Variants in MLH3 observed in about 807,000 individuals in gnomAD.
MLH3 encodes the protein DNA mismatch repair protein Mlh3.
MLH3 carries 82 observed loss-of-function variants against 122.2 expected under a neutral mutation model. The ratio of observed to expected loss-of-function variants is 0.67; its 90% CI spans 0.56 to 0.81. MLH3 has a LOEUF of 0.81. Ranked by LOEUF, MLH3 falls within the 30% of genes least tolerant of loss-of-function variation. The pLI is 0.00. For missense variants in MLH3, 1,539 were observed against 1,714.5 expected, an observed-to-expected ratio of 0.90 and a Z score of 1.81; for synonymous variants, 524 against 599.5, an observed-to-expected ratio of 0.87 and a Z score of 1.84.
chr14:75,024,834 GT>G (rs1485754703), intron 9 of MLH3, among the ~76,000 whole-genome samples: 2 of 152,190 alleles, frequency 1.3e-5, no homozygotes, highest in Non-Finnish European at 2.9e-5. Flanking sequence ...TTCAGGAAAA[GT>G]TTTTCTTATA....
rs372763743 is a variant in MLH3, at chr14:75,049,412, G to A, written c.244C>T (p.Gln82Ter). The A allele has an allele frequency of 1.2e-6, 2 of 1,613,912 alleles. No individual in the cohort carries two copies. The highest frequency in any genetic ancestry group is 1.1e-5 in the South Asian group (1 of 91,086). ...TAAAACCTTGGATTCTCCAAGTCCT[G>A]TACCGAGTGGCATTTACTGGTGAAA... ...RYFTSKCHSV[Q>*]DLENPRFYGF... The change falls in exon 2 of 13, where the codon CAG (glutamine) becomes TAG (stop). Residue 82 changes from glutamine to a stop codon, truncating the protein, a stop_gained. Coordinates refer to ENST00000355774, the MANE Select transcript of MLH3 (RefSeq NM_001040108.2). LOFTEE classifies it high-confidence loss of function.
intron 9 of MLH3, among the ~76,000 whole-genome samples, chr14:75,029,630 G>A (rs1330972015): frequency 6.6e-6 from 1 of 151,826 alleles, no homozygotes; most frequent in African/African-American, 2.4e-5. Flanking sequence ...CCGCCTCCCA[G>A]GTTCAAGCCA....
chr14:75,028,388 T>C (rs1019336732), intron 9 of MLH3, among the ~76,000 whole-genome samples: 1 of 151,562 alleles, frequency 6.6e-6, no homozygotes, highest in African/African-American at 2.4e-5. Context: ...CAGTCAAAGA[T>C]CCAAGTATAA....
intron 9 of MLH3, among the ~76,000 whole-genome samples, chr14:75,027,734 G>C (rs1234974915): frequency 7.0e-6 from 1 of 142,760 alleles, no homozygotes; most frequent in Admixed American, 7.2e-5. Flanking sequence ...AAGAGGCAAT[G>C]GTGAACAAAG....
intron 6 of MLH3, among the ~76,000 whole-genome samples, chr14:75,036,148 A>G (rs959931117): frequency 1.3e-5 from 2 of 152,022 alleles, no homozygotes; most frequent in South Asian, 2.1e-4. Context: ...TTGCTGGTTC[A>G]TCCTCTTCTA....
intron 12 of MLH3, among the ~76,000 whole-genome samples, chr14:75,017,806 T>C (rs941474153): frequency 1.3e-5 from 2 of 152,258 alleles, no homozygotes; most frequent in South Asian, 4.1e-4. Flanking sequence ...GAAAACTCCA[T>C]GCAAGAAAAG....
In MLH3 at chr14:75,048,460, T is replaced by A; in HGVS notation, c.1196A>T (p.Asp399Val). The stretch of plus-strand genomic sequence containing the variant: ...CTGCAAATTAAACATCTCATAGGAA[T>A]CTAAAATATTATTACATGCTTCCTG... ...NFQEACNNIL[D>V]SYEMFNLQSK... is the part of the protein sequence containing the mutation. The change falls in exon 2 of 13, where the codon GAT becomes GTT. Residue 399 changes from aspartate (D) to valine (V), a missense_variant. Asp to Val is a radical substitution (Grantham distance 152). Coordinates refer to ENST00000355774, the MANE Select transcript of MLH3 (RefSeq NM_001040108.2). 6.2e-7 allele frequency: 1 copy of A among 1,612,586 alleles called. No homozygotes were observed. Among genetic ancestry groups the A allele is most frequent in the Non-Finnish European group, 8.5e-7 (1 of 1,179,642 alleles).
At chr14:75,022,758 C>T (rs1254508831) in intron 11 of MLH3, 56 bp downstream of exon 11, 3 of 1,495,924 alleles carry the variant, frequency 2.0e-6, no homozygotes, top group East Asian at 4.5e-5. Flanking sequence ...TCCCGGCAGC[C>T]CTGCCAGGGC....
chr14:75,039,415 C>T (rs1320369475), intron 5 of MLH3, among the ~76,000 whole-genome samples: 1 of 152,100 alleles, frequency 6.6e-6, no homozygotes, highest in African/African-American at 2.4e-5. Flanking sequence ...AAACACAAGG[C>T]AAAATAGAAA....
intron 7 of MLH3, among the ~76,000 whole-genome samples, chr14:75,032,632 A>T (rs949468987): frequency 6.6e-6 from 1 of 151,870 alleles, no homozygotes; most frequent in Non-Finnish European, 1.5e-5. Flanking sequence ...TGTTTTTACT[A>T]TATCTTTCCC....
At chr14:75,039,865 A>ATATG (rs1388162394) in intron 5 of MLH3, 46 bp downstream of exon 5, 8 of 344,492 alleles carry the variant, frequency 2.3e-5, no homozygotes, top group Non-Finnish European at 4.1e-5. Flanking sequence ...ATATATATAT[A>ATATG]TATATATATA....
At chr14:75,038,106 C>G (rs778004770) in intron 6 of MLH3, among the ~76,000 whole-genome samples, 5 of 152,164 alleles carry the variant, frequency 3.3e-5, no homozygotes, top group African/African-American at 4.8e-5. Flanking sequence ...TGCCATGTTG[C>G]TCAGGCTGGT....
In MLH3 at chr14:75,045,827, A is replaced by C. The variant is rs1892167752; in HGVS notation, c.3280+549T>G. 3.3e-5 allele frequency among the ~76,000 whole-genome samples: 5 copies of C among 152,144 alleles called. No individual in the cohort carries two copies. In the Middle Eastern group the frequency reaches 0.014, roughly 414 times the overall value. ...CACCCCCTTTCTTACACATACACACACCCATAGACACATATACACACACTG... is the reference window on the plus strand; with the variant it reads ...CACCCCCTTTCTTACACATACACACCCCCATAGACACATATACACACACTG... On this transcript the variant is annotated intron_variant, in intron 2 of 12. Transcript: ENST00000355774.
intron 11 of MLH3, among the ~76,000 whole-genome samples, chr14:75,019,581 A>C (rs1173225335): frequency 1.3e-5 from 2 of 151,942 alleles, no homozygotes; most frequent in African/African-American, 2.4e-5. Flanking sequence ...TGGCTTTCAG[A>C]GTTTTTCTCC....
At chr14:75,031,697 C>T (rs979877089) in intron 8 of MLH3, among the ~76,000 whole-genome samples, 15 of 152,232 alleles carry the variant, frequency 9.9e-5, no homozygotes, top group African/African-American at 3.4e-4. Flanking sequence ...ACCTGTAGTT[C>T]CAGGTACTTG....
At chr14:75,020,742 T>C (rs1188674044) in intron 11 of MLH3, 1 of 152,172 alleles carries the variant, frequency 6.6e-6, no homozygotes, top group African/African-American at 2.4e-5. Context: ...CATATTACCC[T>C]GCTCAAGAAC....
intron 6 of MLH3, among the ~76,000 whole-genome samples, chr14:75,037,810 CA>C (rs1891524613): frequency 6.6e-6 from 1 of 151,854 alleles, no homozygotes; most frequent in Non-Finnish European, 1.5e-5. Flanking sequence ...AAAAAAAAGA[CA>C]AAAAGAGTAA....
chr14:75,047,213 C>G lies in MLH3; in HGVS notation c.2443G>C (p.Asp815His), dbSNP rs776060737. The change falls in exon 2 of 13, where the codon GAT (aspartate) becomes CAT (histidine). Residue 815 changes from aspartate (D) to histidine (H), a missense_variant. Transcript: ENST00000355774. ...KITTMEHSDS[D>H]SSCQPASHIL... ...TGGCTTGCTGGTTGACAACTACTAT[C>G]TGAATCACTATGCTCCATAGTAGTG... 3.7e-6 allele frequency: 6 copies of G among 1,614,030 alleles called. No individual in the cohort carries two copies. The highest frequency in any genetic ancestry group is 4.2e-6 in the Non-Finnish European group (5 of 1,180,014).
At chr14:75,020,021 T>C (rs1371136098) in intron 11 of MLH3, among the ~76,000 whole-genome samples, 2 of 152,200 alleles carry the variant, frequency 1.3e-5, no homozygotes. Context: ...AGGAAGGCTT[T>C]CCTGGCAAAG....
Sources: allele counts gnomAD v4.1 joint callset (sites outside exome capture counted in the v4.1 genomes callset), GRCh38; gene constraint gnomAD v4.1.1; transcripts MANE v1.5; gene names NCBI Gene and HGNC (gene_info 2026-07-23, HGNC 2026-07-21).